Variants in IL17RC observed in about 807,000 individuals in gnomAD.
The protein encoded by IL17RC is interleukin 17 receptor C.
IL17RC carries 53 observed loss-of-function variants against 86.7 expected under a neutral mutation model. The observed-to-expected ratio is 0.61, with a 90% CI of 0.49 to 0.77. The LOEUF is 0.77. Ranked by LOEUF, IL17RC falls within the 30% of genes least tolerant of loss-of-function variation. The pLI is 0.00. For missense variants in IL17RC, 957 were observed against 940.0 expected, an observed-to-expected ratio of 1.02 and a Z score of -0.24; for synonymous variants, 439 against 413.1, an observed-to-expected ratio of 1.06 and a Z score of -0.76.
chr3:9,932,378 C>T (rs1175593303), intron 16 of IL17RC, among the ~76,000 whole-genome samples: 1 of 152,078 alleles, frequency 6.6e-6, no homozygotes, highest in Non-Finnish European at 1.5e-5. Context: ...AGGCGTGTGC[C>T]ACCACGCCCG....
In IL17RC at chr3:9,929,564, G is replaced by A. The variant is rs375610035; in HGVS notation, c.1111-288G>A. On this transcript the variant is annotated intron_variant, in intron 12 of 18. Coordinates refer to ENST00000403601, the MANE Select transcript of IL17RC (RefSeq NM_153460.4). ...GCAATTTTTAGCAGGGTGGTCATGT[G>A]AGAAAGGAATCTCTTTGAGAAGGTT... is the stretch of plus-strand genomic sequence containing the variant. 2.6e-4 allele frequency: 118 copies of A among 460,526 alleles called. 1 individual carries two copies. The East Asian group carries it at 3.3e-3, about 13-fold the overall frequency. 28.5% of individuals were successfully genotyped at this position (460,526 alleles called of 1,614,324 possible).
chr3:9,920,635 C>G (rs1351237138), intron 6 of IL17RC, 33 bp downstream of exon 6: 2 of 1,376,510 alleles, frequency 1.5e-6, no homozygotes, highest in East Asian at 2.4e-5. Flanking sequence ...GCCCCCTAGC[C>G]TCTGTCCCCT....
Position 9,917,263 on chromosome 3 carries a change from TGG to T in IL17RC, c.-45_-44del. The stretch of plus-strand genomic sequence containing the variant: ...GGCTGACTGGGGTGTCTGCCCCCCT[TGG>T]GGGGGGGCAGCACAGGGCCTCAGGC... On this transcript the variant is annotated 5_prime_UTR_variant, in exon 1 of 19. Coordinates refer to ENST00000403601, the MANE Select transcript of IL17RC (RefSeq NM_153460.4). The T allele has an allele frequency of 1.5e-6, 2 of 1,301,542 alleles. No individual in the cohort carries two copies. The highest frequency in any genetic ancestry group is 1.4e-5 in the South Asian group (1 of 70,834). 80.6% of individuals were successfully genotyped at this position (1,301,542 alleles called of 1,614,324 possible). A position where few individuals can be genotyped will look rare whatever the true frequency, so the allele number is the denominator to read the frequency against.
intron 5 of IL17RC, 102 bp from the exon 6 acceptor site, chr3:9,920,389 G>A (rs1575532370): frequency 1.4e-6 from 1 of 696,718 alleles, no homozygotes; most frequent in Non-Finnish European, 2.6e-6. Flanking sequence ...TTAGTTGGGG[G>A]AGGAGGGCAG....
intron 8 of IL17RC, 24 bp downstream of exon 8, chr3:9,924,044 C>T: frequency 1.2e-6 from 2 of 1,612,658 alleles, no homozygotes; most frequent in African/African-American, 1.3e-5. Flanking sequence ...CTTCCCAAGT[C>T]CATTCCCACT....
chr3:9,927,239 T>C (rs1284980306), intron 9 of IL17RC, among the ~76,000 whole-genome samples: 1 of 260 alleles, frequency 3.8e-3, no homozygotes, highest in Non-Finnish European at 0.011. Flanking sequence ...AGCAGGTGCT[T>C]ACACAAGTGA....
rs1273767216 is a variant in IL17RC, at chr3:9,917,404, C to A, written c.89C>A (p.Ala30Asp). ...GAGAGGCTTGTGGGGCCTCAGGACG[C>A]TACCCACTGCTCTCCGGTGAGTCTG... ...SLERLVGPQD[A>D]THCSPGLSCR... The change falls in exon 1 of 19, where the codon GCT (alanine) becomes GAT (aspartate). Residue 30 changes from alanine (A) to aspartate (D), a missense_variant. Physicochemically the swap from Ala to Asp is moderately radical, Grantham distance 126 (BLOSUM62 -2). Transcript: ENST00000403601. 1.9e-6 allele frequency: 3 copies of A among 1,614,064 alleles called. No individual in the cohort carries two copies. Among genetic ancestry groups the A allele is most frequent in the Non-Finnish European group, 2.5e-6 (3 of 1,180,012 alleles).
chr3:9,930,256 G>A lies in IL17RC; in HGVS notation c.1278+107G>A, dbSNP rs891145338. On this transcript the variant is annotated intron_variant, in intron 14 of 18. Transcript: ENST00000403601. This position sits in a 1 kb window ranked among gnomAD's most constrained non-coding sequence, Gnocchi z 5.8. ...GTGCCGGTCTCTGGGAACATGGGGGGTGACTCAGACCAGGGCCATATTCAG... is the reference window on the plus strand; with the variant it reads ...GTGCCGGTCTCTGGGAACATGGGGGATGACTCAGACCAGGGCCATATTCAG... 3.9e-6 allele frequency: 6 copies of A among 1,548,136 alleles called. No individual in the cohort carries two copies. The highest frequency in any genetic ancestry group is 1.4e-5 in the African/African-American group (1 of 73,804).
Position 9,917,132 on chromosome 3 carries a change from G to C in IL17RC, c.-184G>C. ...GCACTCCGTGCTGGAAGTAGGAGGAGAGTCAGGACTCCCAGGACAGAGAGT... is the reference window on the plus strand; with the variant it reads ...GCACTCCGTGCTGGAAGTAGGAGGACAGTCAGGACTCCCAGGACAGAGAGT... On this transcript the variant is annotated 5_prime_UTR_variant, in exon 1 of 19. Coordinates refer to ENST00000403601, the MANE Select transcript of IL17RC (RefSeq NM_153460.4). 5 of 595,016 alleles carry C rather than the reference G, an allele frequency of 8.4e-6. No individual in the cohort carries two copies. Among genetic ancestry groups the C allele is most frequent in the Non-Finnish European group, 1.5e-5 (5 of 335,290 alleles). The allele number at this position is 595,016 out of a possible 1,614,324, so 36.9% of individuals were successfully genotyped here.
chr3:9,928,680 CCCCCAGCCAA>C, intron 12 of IL17RC, 50 bp downstream of exon 12: 1 of 1,589,840 alleles, frequency 6.3e-7, no homozygotes, highest in Non-Finnish European at 8.6e-7. Context: ...CTGGGCAGAC[CCCCCAGCCAA>C]GGGGGTCTTA....
At chr3:9,926,031 C>CTT (rs5846649) in intron 9 of IL17RC, among the ~76,000 whole-genome samples, 59 of 89,768 alleles carry the variant, frequency 6.6e-4, no homozygotes, top group African/African-American at 2.7e-3. Context: ...TAATTGTTTC[C>CTT]TTTTTTTTTT....
At chr3:9,921,179 G>C (rs906885200) in intron 7 of IL17RC, among the ~76,000 whole-genome samples, 20 of 152,180 alleles carry the variant, frequency 1.3e-4, no homozygotes, top group Admixed American at 1.3e-3. Context: ...CTTGGGTCAG[G>C]CTCAGTGGCT....
chr3:9,927,605 C>T (rs925521820), intron 9 of IL17RC, among the ~76,000 whole-genome samples: 3 of 151,648 alleles, frequency 2.0e-5, no homozygotes, highest in Non-Finnish European at 2.9e-5. Context: ...GTCTCTTGTG[C>T]TTGCCATACT....
intron 5 of IL17RC, among the ~76,000 whole-genome samples, chr3:9,920,141 T>C (rs2083423818): frequency 6.6e-6 from 1 of 152,126 alleles, no homozygotes; most frequent in Admixed American, 6.6e-5. Context: ...ACTGAGGCAC[T>C]GGGTTGAGTG....
At chr3:9,923,194 A>T (rs2125187043) in intron 7 of IL17RC, among the ~76,000 whole-genome samples, 1 of 149,906 alleles carries the variant, frequency 6.7e-6, no homozygotes, top group African/African-American at 2.5e-5. Context: ...AAAAAAGGAA[A>T]AAAAAAAGAG....
chr3:9,932,745 G>C lies in IL17RC; in HGVS notation c.1483+42G>C, dbSNP rs757591810. ...TCCCCATTCCCCTGGGGGAGGACCA[G>C]AGTGGCTGTGGGAGTTCTCCGAGGG... On this transcript the variant is annotated intron_variant, in intron 17 of 18. Transcript: ENST00000403601. 5 of 1,611,318 alleles carry C rather than the reference G, an allele frequency of 3.1e-6. No individual in the cohort carries two copies. In the East Asian group the frequency reaches 8.9e-5, roughly 29 times the overall value.
intron 12 of IL17RC, chr3:9,929,239 G>A (rs2084418238): frequency 6.5e-6 from 1 of 154,258 alleles, no homozygotes. Flanking sequence ...GCGTGAACCT[G>A]GGAGGCTGAG....
At chr3:9,926,854 T>A (rs2084128393) in intron 9 of IL17RC, among the ~76,000 whole-genome samples, 1 of 152,156 alleles carries the variant, frequency 6.6e-6, no homozygotes. Flanking sequence ...TCTCTTGACC[T>A]CGTGATCCGC....
At chr3:9,918,431 C>T (rs2083284013) in intron 4 of IL17RC, 22 bp downstream of exon 4, 3 of 1,611,734 alleles carry the variant, frequency 1.9e-6, no homozygotes, top group Non-Finnish European at 2.5e-6. Flanking sequence ...CTGGCTGGCC[C>T]AACTGCCCCA....
Sources: allele counts gnomAD v4.1 joint callset (sites outside exome capture counted in the v4.1 genomes callset), GRCh38; gene constraint gnomAD v4.1.1; non-coding constraint Gnocchi (gnomAD v3.1); transcripts MANE v1.5; gene names NCBI Gene and HGNC (gene_info 2026-07-23, HGNC 2026-07-21).